DHX9: variants seen among roughly 807,000 people sequenced by gnomAD.
The protein encoded by DHX9 is DExH-box helicase 9, also known as ATP-dependent RNA helicase A.
DHX9 carries 27 observed loss-of-function variants against 148.7 expected under a neutral mutation model. The ratio of observed to expected loss-of-function variants is 0.18; its 90% CI spans 0.13 to 0.25. The LOEUF (loss-of-function observed/expected upper bound fraction) is 0.25, where lower values mean the gene tolerates loss of function less well. Ranked by LOEUF, DHX9 falls within the 10% of genes least tolerant of loss-of-function variation. The pLI is 1.00. For synonymous variants in DHX9, 529 were observed against 516.6 expected, an observed-to-expected ratio of 1.02 and a Z score of -0.33; for missense variants, 796 against 1,559.6, an observed-to-expected ratio of 0.51 and a Z score of 8.25.
intron 12 of DHX9, 159 bp downstream of exon 12, chr1:182,860,343 A>G (rs1668337963): frequency 6.8e-6 from 4 of 592,520 alleles, no homozygotes; most frequent in African/African-American, 1.9e-5. Context: ...GTCTTTTTCT[A>G]ATCTCTAGTA....
At chr1:182,860,729 CA>C (rs1668346308) in intron 12 of DHX9, among the ~76,000 whole-genome samples, 1 of 152,320 alleles carries the variant, frequency 6.6e-6, no homozygotes, top group African/African-American at 2.4e-5. Context: ...AAAAACCAAG[CA>C]ATCCGCCTTT....
chr1:182,854,718 T>C (rs1668223987), intron 6 of DHX9, among the ~76,000 whole-genome samples: 1 of 152,184 alleles, frequency 6.6e-6, no homozygotes, highest in South Asian at 2.1e-4. Context: ...GCCTTGGTCT[T>C]TGTATGTGGG....
chr1:182,878,769 C>T (rs905769298), intron 20 of DHX9, among the ~76,000 whole-genome samples: 6 of 152,138 alleles, frequency 3.9e-5, no homozygotes, highest in African/African-American at 1.4e-4. Context: ...ATGAGCATTT[C>T]CTTTAAGTGT....
intron 6 of DHX9, among the ~76,000 whole-genome samples, chr1:182,855,908 T>C (rs1372971938): frequency 6.6e-6 from 1 of 152,212 alleles, no homozygotes; most frequent in African/African-American, 2.4e-5. Flanking sequence ...CTAGCAGTTT[T>C]AGATATAATG....
At chr1:182,852,193 G>A (rs780599180) in intron 3 of DHX9, 40 bp from the exon 4 acceptor site, 3 of 1,407,032 alleles carry the variant, frequency 2.1e-6, no homozygotes, top group Non-Finnish European at 3.0e-6. Flanking sequence ...CCCCGTGAAG[G>A]CAAAAGCACT....
rs1649090255 is a variant in DHX9, at chr1:182,881,663, T to C, written c.2914+16T>C. 1 of 1,577,526 alleles carries C rather than the reference T, an allele frequency of 6.3e-7. No homozygotes were observed. Among genetic ancestry groups the C allele is most frequent in the African/African-American group, 1.4e-5 (1 of 72,780 alleles). On this transcript the variant is annotated intron_variant, in intron 24 of 27. Transcript: ENST00000367549. ...TTTCCAGAAGGTAAGACTTCTTCCA[T>C]TCTTAAGATATCTTTAAAGTGACAT...
chr1:182,853,124 A>G (rs1668185815), intron 4 of DHX9, among the ~76,000 whole-genome samples, 182 bp from the exon 5 acceptor site: 5 of 151,878 alleles, frequency 3.3e-5, no homozygotes, highest in South Asian at 4.2e-4. Context: ...ACGGGGTTTC[A>G]CTATGTTGAC....
intron 2 of DHX9, 27 bp downstream of exon 2, chr1:182,842,704 T>C (rs1295751574): frequency 3.2e-6 from 5 of 1,561,750 alleles, no homozygotes; most frequent in Admixed American, 3.5e-5. Context: ...TTTGCATTTA[T>C]GTGATTTATG....
intron 26 of DHX9, among the ~76,000 whole-genome samples, chr1:182,883,867 C>T (rs1349328768): frequency 6.6e-6 from 1 of 152,114 alleles, no homozygotes; most frequent in Non-Finnish European, 1.5e-5. Context: ...CTTGAGTACC[C>T]TTTCACATAC....
At chr1:182,848,712 GAA>G (rs1411978591) in intron 3 of DHX9, among the ~76,000 whole-genome samples, 3 of 152,176 alleles carry the variant, frequency 2.0e-5, no homozygotes, top group African/African-American at 4.8e-5. Context: ...AATTTATAAA[GAA>G]AAGAGATTTA....
chr1:182,846,531 GC>G, intron 3 of DHX9, among the ~76,000 whole-genome samples: 1 of 152,354 alleles, frequency 6.6e-6, no homozygotes, highest in South Asian at 2.1e-4. Context: ...ACTGAGTCCA[GC>G]CAGAGACCAG....
intron 21 of DHX9, 135 bp from the exon 22 acceptor site, chr1:182,880,362 C>G: frequency 1.8e-6 from 1 of 543,874 alleles, no homozygotes; most frequent in South Asian, 2.8e-5. Flanking sequence ...AATTGTTGGC[C>G]GTAGACATGG....
In DHX9 at chr1:182,881,704, A is replaced by C. The variant is rs1003447631; in HGVS notation, c.2914+57A>C. The C allele has an allele frequency of 2.7e-6, 4 of 1,503,726 alleles. No individual in the cohort carries two copies. The African/African-American group carries it at 5.6e-5, about 21-fold the overall frequency. The allele number at this position is 1,503,726 out of a possible 1,614,324, so 93.1% of individuals were successfully genotyped here. On this transcript the variant is annotated intron_variant, in intron 24 of 27. Transcript: ENST00000367549. ...AAAGTGACATTTATATAGTACATGCAAATTGACAGCAAAGTGTATTTTAGT... is the reference window on the plus strand; with the variant it reads ...AAAGTGACATTTATATAGTACATGCCAATTGACAGCAAAGTGTATTTTAGT...
intron 3 of DHX9, among the ~76,000 whole-genome samples, chr1:182,844,554 TTTG>T (rs1237291312): frequency 6.6e-6 from 1 of 152,172 alleles, no homozygotes; most frequent in Admixed American, 6.5e-5. Context: ...GTTTGTTTGT[TTTG>T]TTTTTTAAGA....
At chr1:182,847,394 T>G (rs952824899) in intron 3 of DHX9, among the ~76,000 whole-genome samples, 10 of 152,242 alleles carry the variant, frequency 6.6e-5, no homozygotes, top group Admixed American at 4.6e-4. Flanking sequence ...TTGTTTTTAA[T>G]CAGGCATTTA....
chr1:182,840,704 C>T (rs1667909923), intron 1 of DHX9, among the ~76,000 whole-genome samples: 1 of 152,266 alleles, frequency 6.6e-6, no homozygotes, highest in African/African-American at 2.4e-5. Context: ...TACAAGGTTA[C>T]TAAGGATTAA....
intron 12 of DHX9, 57 bp downstream of exon 12, chr1:182,860,241 TTTGA>T (rs1444290803): frequency 2.1e-5 from 28 of 1,324,748 alleles, no homozygotes; most frequent in African/African-American, 3.0e-5. Context: ...TGATTCTTTC[TTTGA>T]TTAACTAATT....
intron 16 of DHX9, chr1:182,875,299 G>C (rs1480841109): frequency 2.3e-6 from 1 of 431,634 alleles, no homozygotes; most frequent in Non-Finnish European, 4.6e-6. Flanking sequence ...GAAACTGGTA[G>C]AAAGACAGAA....
intron 15 of DHX9, 84 bp from the exon 16 acceptor site, chr1:182,874,770 T>C: frequency 9.1e-7 from 1 of 1,098,582 alleles, no homozygotes; most frequent in South Asian, 1.3e-5. Flanking sequence ...AAAGTAGTTT[T>C]GAACTATGAA....
Sources: allele counts gnomAD v4.1 joint callset (sites outside exome capture counted in the v4.1 genomes callset), GRCh38; gene constraint gnomAD v4.1.1; transcripts MANE v1.5; gene names NCBI Gene and HGNC (gene_info 2026-07-23, HGNC 2026-07-21).